The following PSD3 variants were observed in gnomAD, a reference collection of about 807,000 sequenced individuals.
PSD3 encodes the protein pleckstrin and Sec7 domain containing 3.
PSD3 carries 49 observed loss-of-function variants against 105.5 expected under a neutral mutation model. The ratio of observed to expected loss-of-function variants is 0.46; its 90% CI spans 0.37 to 0.59. The LOEUF is 0.59. Among genes scored for constraint, PSD3 ranks in the 20% least tolerant of loss-of-function variants. The pLI, the probability that PSD3 is intolerant of heterozygous loss-of-function variation, is 0.00. For missense variants in PSD3, 1,561 were observed against 1,263.8 expected (o/e 1.24, Z -3.57); for synonymous variants, 557 against 457.8 (o/e 1.22, Z -2.77).
intron 9 of PSD3, among the ~76,000 whole-genome samples, chr8:18,658,540 T>G (rs1809069542): frequency 7.0e-6 from 1 of 143,482 alleles, no homozygotes; most frequent in African/African-American, 2.7e-5. Flanking sequence ...TTTTTTTTTT[T>G]GAGACAGGGT....
chr8:18,823,594 A>G (rs1812924279), intron 4 of PSD3, among the ~76,000 whole-genome samples: 1 of 152,128 alleles, frequency 6.6e-6, no homozygotes, highest in Admixed American at 6.5e-5. Flanking sequence ...AAGTCACCCA[A>G]GAGATGACGT....
At chr8:18,975,897 C>G (rs918494582) in intron 1 of PSD3, among the ~76,000 whole-genome samples, 1 of 152,086 alleles carries the variant, frequency 6.6e-6, no homozygotes, top group Non-Finnish European at 1.5e-5. Flanking sequence ...GAAATAGGCA[C>G]CCTGACATAC....
chr8:18,728,463 A>C (rs953327253), intron 9 of PSD3, among the ~76,000 whole-genome samples: 2 of 152,208 alleles, frequency 1.3e-5, no homozygotes, highest in South Asian at 2.1e-4. Flanking sequence ...TTGAAGGGTG[A>C]GTATGAGTTA....
In PSD3 at chr8:19,059,492, C is replaced by A. The variant is rs1336956755; in HGVS notation, c.324+24714G>T. 3.3e-5 allele frequency among the ~76,000 whole-genome samples: 5 copies of A among 152,194 alleles called. No homozygotes were observed. The East Asian group carries it at 9.6e-4, about 29-fold the overall frequency. ...GTGCAGAACAAGAAACTAGCCCCAG[C>A]AATCTAAACTTTTAGAAAAGTCTAA... On this transcript the variant is annotated intron_variant, in intron 1 of 1. Transcript: ENST00000521475.
intron 15 of PSD3, among the ~76,000 whole-genome samples, chr8:18,551,136 T>A (rs1324414240): frequency 3.3e-5 from 5 of 152,330 alleles, no homozygotes; most frequent in African/African-American, 1.2e-4. Context: ...GCCTCTGCAC[T>A]GCTCCTGTGA....
chr8:18,730,201 C>G (rs776981688), intron 9 of PSD3: 2 of 152,158 alleles, frequency 1.3e-5, no homozygotes, highest in South Asian at 4.1e-4. Flanking sequence ...TCTAAAAAAT[C>G]TGCATTTATT....
chr8:18,732,642 G>A (rs890086289), intron 9 of PSD3, among the ~76,000 whole-genome samples: 3 of 152,150 alleles, frequency 2.0e-5, no homozygotes, highest in Non-Finnish European at 4.4e-5. Context: ...TTACATGGTG[G>A]CTCCGAAACT....
chr8:18,870,324 G>A (rs1054126125), intron 3 of PSD3, among the ~76,000 whole-genome samples: 2 of 152,160 alleles, frequency 1.3e-5, no homozygotes, highest in East Asian at 1.9e-4. Context: ...AAATGACTAC[G>A]ATCAAAGGGA....
intron 1 of PSD3, among the ~76,000 whole-genome samples, chr8:18,975,612 T>G (rs1824903716): frequency 6.6e-6 from 1 of 152,218 alleles, no homozygotes; most frequent in African/African-American, 2.4e-5. Context: ...TTAATAAACA[T>G]TCATTCCTTT....
chr8:18,780,015 C>G (rs760114327), intron 8 of PSD3, among the ~76,000 whole-genome samples: 1 of 152,164 alleles, frequency 6.6e-6, no homozygotes, highest in African/African-American at 2.4e-5. Flanking sequence ...GGCTGAGAGT[C>G]AGTTGTTGAA....
intron 1 of PSD3, among the ~76,000 whole-genome samples, chr8:19,067,876 T>C (rs187146794): frequency 1.3e-5 from 2 of 152,206 alleles, no homozygotes; most frequent in East Asian, 1.9e-4. Flanking sequence ...TATCTACCCA[T>C]GCACTCTATC....
At chr8:18,816,485 CTT>C (rs1238847579) in intron 4 of PSD3, among the ~76,000 whole-genome samples, 1 of 152,174 alleles carries the variant, frequency 6.6e-6, no homozygotes, top group Non-Finnish European at 1.5e-5. Flanking sequence ...GCACGCATAA[CTT>C]TGGTGTATAT....
chr8:18,639,283 T>C (rs921439336), intron 10 of PSD3, among the ~76,000 whole-genome samples: 1 of 152,058 alleles, frequency 6.6e-6, no homozygotes, highest in Non-Finnish European at 1.5e-5. Context: ...AATTGAGAGT[T>C]TGCCTGGTTG....
chr8:18,767,111 G>A (rs1487596739), intron 8 of PSD3, among the ~76,000 whole-genome samples: 2 of 152,074 alleles, frequency 1.3e-5, no homozygotes, highest in Non-Finnish European at 2.9e-5. Context: ...TGAGACCCAT[G>A]GAAAATTATC....
chr8:19,041,737 T>C (rs1349441783), intron 1 of PSD3, among the ~76,000 whole-genome samples: 3 of 152,324 alleles, frequency 2.0e-5, no homozygotes, highest in East Asian at 1.9e-4. Flanking sequence ...TCCAGACATG[T>C]TCTGAACAAC....
rs953085820 is a variant in PSD3 at position 18,994,277 on chromosome 8, A to T, written c.21+19286T>A. Among the ~76,000 whole-genome samples, 110 of 152,202 alleles carry T rather than the reference A, an allele frequency of 7.2e-4. 5 individuals are homozygous for T. The highest frequency in any genetic ancestry group is 8.8e-5 in the Non-Finnish European group (6 of 67,966). On this transcript the variant is annotated intron_variant, in intron 1 of 15. Coordinates refer to ENST00000327040, the MANE Select transcript of PSD3 (RefSeq NM_015310.4). ...TGTTAGCCATTGCTGAAGTCAATCA[A>T]CATGTTTGTATTCTCTGCATATTTA... is the stretch of plus-strand genomic sequence containing the variant.
At chr8:18,919,946 C>T (rs1820892607) in intron 2 of PSD3, among the ~76,000 whole-genome samples, 1 of 146,234 alleles carries the variant, frequency 6.8e-6, no homozygotes, top group Non-Finnish European at 1.5e-5. Context: ...CACATGTATA[C>T]ATGTGTAACT....
intron 4 of PSD3, 21 bp downstream of exon 4, chr8:18,867,653 G>C: frequency 6.4e-7 from 1 of 1,570,144 alleles, no homozygotes; most frequent in South Asian, 1.2e-5. Context: ...AGCATGAAAT[G>C]AATGAGAATG....
intron 8 of PSD3, among the ~76,000 whole-genome samples, chr8:18,781,249 A>C (rs1002412713): frequency 3.3e-5 from 5 of 152,226 alleles, no homozygotes; most frequent in Admixed American, 3.3e-4. Context: ...AAAACAATGT[A>C]AATGTTATTG....
Sources: gnomAD v4.1 joint callset for allele counts (sites outside exome capture counted in the v4.1 genomes callset) on GRCh38, gnomAD v4.1.1 for gene constraint, MANE v1.5 for transcripts, NCBI Gene and HGNC (gene_info 2026-07-23, HGNC 2026-07-21) for gene names.